The following NFYA variants were observed in gnomAD, a reference collection of about 807,000 sequenced individuals.
The protein encoded by NFYA is nuclear transcription factor Y subunit alpha, also known as CAAT-box DNA binding protein subunit A.
Under a neutral mutation model 52.8 loss-of-function variants are expected in NFYA, and 28 were observed. The observed-to-expected ratio is 0.53, with a 90% CI of 0.39 to 0.73. The LOEUF (loss-of-function observed/expected upper bound fraction) is 0.73. NFYA is among the 30% of genes least tolerant of loss of function. NFYA has a pLI of 0.00. For missense variants in NFYA, 234 were observed against 427.0 expected, an observed-to-expected ratio of 0.55 and a Z score of 3.98; for synonymous variants, 150 against 150.7, an observed-to-expected ratio of 1.00 and a Z score of 0.03.
At chr6:41,073,392 C>G (rs1582014717) in intron 1 of NFYA, among the ~76,000 whole-genome samples, 1 of 151,942 alleles carries the variant, frequency 6.6e-6, no homozygotes, top group African/African-American at 2.4e-5. Flanking sequence ...CGACTCAGGC[C>G]CAGGTTCTCA....
chr6:41,093,284 A>G (rs1764243894), intron 8 of NFYA, among the ~76,000 whole-genome samples, 199 bp downstream of exon 8: 1 of 152,224 alleles, frequency 6.6e-6, no homozygotes, highest in South Asian at 2.1e-4. Flanking sequence ...ACAGTGGCTT[A>G]AATAAGATGT....
rs888093045 is a variant in NFYA, at chr6:41,097,257, TAA to T, written c.991-98_991-97del. 45 of 1,077,680 alleles carry T rather than the reference TAA, an allele frequency of 4.2e-5. No homozygotes were observed. The Admixed American group carries it at 8.2e-4, about 20-fold the overall frequency. 66.8% of individuals were successfully genotyped at this position (1,077,680 alleles called of 1,614,324 possible). ...TATTACAAGCCTTTGATTTACTTGG[TAA>T]AGTTATGTGTATTCTCTTGGGGGGA... On this transcript the variant is annotated intron_variant, in intron 9 of 9. Transcript: ENST00000341376.
chr6:41,095,605 A>ATT (rs1315872120), intron 9 of NFYA, among the ~76,000 whole-genome samples: 1 of 152,038 alleles, frequency 6.6e-6, no homozygotes, highest in East Asian at 1.9e-4. Context: ...TAATTTTTAA[A>ATT]TTTTTTGTAG....
In NFYA at chr6:41,100,379, T is replaced by C. The variant is rs1561859155; in HGVS notation, c.*2969T>C. 6.6e-6 allele frequency among the ~76,000 whole-genome samples: 1 copy of C among 152,222 alleles called. No individual in the cohort carries two copies. The highest frequency in any genetic ancestry group is 1.5e-5 in the Non-Finnish European group (1 of 68,046). ...CAGAAGACCAAAACAAAAGTACTTTTCTGATTGTTAAAAATCCACAGCATG... is the reference window on the plus strand; with the variant it reads ...CAGAAGACCAAAACAAAAGTACTTTCCTGATTGTTAAAAATCCACAGCATG... On this transcript the variant is annotated 3_prime_UTR_variant, in exon 10 of 10. Coordinates refer to ENST00000341376, the MANE Select transcript of NFYA (RefSeq NM_002505.5).
chr6:41,090,256 G>C lies in NFYA; in HGVS notation c.494G>C (p.Gly165Ala). 6.2e-7 allele frequency: 1 copy of C among 1,613,992 alleles called. No individual in the cohort carries two copies. The highest frequency in any genetic ancestry group is 8.5e-7 in the Non-Finnish European group (1 of 1,179,940). The part of the protein sequence containing the change: ...QGQQVAQTAE[G>A]QTIVYQPVNA... ...CAGCAAGTGGCACAGACTGCTGAAG[G>C]GCAGACCATCGTCTATCAACCAGTT... Residue 165 changes from glycine to alanine, a missense_variant, in exon 6 of 10, where the codon GGG (glycine) becomes GCG (alanine). This residue lies in a region of NFYA where 81 missense variants were observed against 210.5 expected (regional missense o/e 0.38). Coordinates refer to ENST00000341376, the MANE Select transcript of NFYA (RefSeq NM_002505.5).
At chr6:41,091,484 T>G in intron 6 of NFYA, 44 bp from the exon 7 acceptor site, 11 of 1,594,216 alleles carry the variant, frequency 6.9e-6, no homozygotes, top group Non-Finnish European at 9.4e-6. Flanking sequence ...CTTTCTGTTC[T>G]GTGTGCCTGT....
At chr6:41,090,162 C>T (rs1764162249) in intron 5 of NFYA, 42 bp from the exon 6 acceptor site, 2 of 1,304,632 alleles carry the variant, frequency 1.5e-6, no homozygotes, top group South Asian at 1.2e-5. Context: ...TTGTTAGTAT[C>T]TTTGGGATCT....
intron 1 of NFYA, among the ~76,000 whole-genome samples, chr6:41,073,531 C>T (rs1027406753): frequency 6.6e-5 from 10 of 152,076 alleles, no homozygotes; most frequent in Non-Finnish European, 1.0e-4. Flanking sequence ...ACTCTCCGGC[C>T]CTTGGGACAG....
At chr6:41,075,011 T>C (rs1763695094) in intron 1 of NFYA, among the ~76,000 whole-genome samples, 1 of 152,238 alleles carries the variant, frequency 6.6e-6, no homozygotes, top group South Asian at 2.1e-4. Flanking sequence ...CGTATTCCAG[T>C]GCTCTTTCAT....
intron 2 of NFYA, among the ~76,000 whole-genome samples, chr6:41,079,554 A>G (rs2114089389): frequency 6.6e-6 from 1 of 152,218 alleles, no homozygotes; most frequent in Non-Finnish European, 1.5e-5. Context: ...CTGTTTTTTG[A>G]TTTGGTCTGC....
intron 9 of NFYA, among the ~76,000 whole-genome samples, chr6:41,095,393 A>C (rs965495544): frequency 2.0e-5 from 3 of 151,976 alleles, no homozygotes; most frequent in African/African-American, 7.2e-5. Context: ...CTATCTCCCT[A>C]TCTGTTAGGT....
At chr6:41,090,109 G>C in intron 5 of NFYA, 95 bp from the exon 6 acceptor site, 1 of 822,388 alleles carries the variant, frequency 1.2e-6, no homozygotes, top group East Asian at 2.7e-5. Context: ...GTGAGACTCT[G>C]TCTCAAAAAA....
In NFYA at chr6:41,094,498, G is replaced by A; in HGVS notation, c.990+1G>A. On this transcript the variant is annotated splice_donor_variant, in intron 9 of 9. Transcript: ENST00000341376. LOFTEE classifies it high-confidence loss of function. ...GGAAAAGGATAGTCCCCATATGCAG[G>A]TAGGAAGACATATACATTTTATTCT... 6.2e-7 allele frequency: 1 copy of A among 1,610,430 alleles called. No homozygotes were observed. Among genetic ancestry groups the A allele is most frequent in the African/African-American group, 1.3e-5 (1 of 74,954 alleles).
intron 4 of NFYA, among the ~76,000 whole-genome samples, chr6:41,088,016 CAGT>C (rs1272530715): frequency 6.6e-6 from 1 of 152,156 alleles, no homozygotes; most frequent in African/African-American, 2.4e-5. Flanking sequence ...ACATTAATGA[CAGT>C]AGTGAGTATT....
At chr6:41,091,799 CT>C in intron 7 of NFYA, 105 bp downstream of exon 7, 1 of 1,244,678 alleles carries the variant, frequency 8.0e-7, no homozygotes, top group Non-Finnish European at 1.1e-6. Context: ...GAGATCGATC[CT>C]TAAGGCACTG....
intron 5 of NFYA, 68 bp from the exon 6 acceptor site, chr6:41,090,136 A>T: frequency 1.9e-6 from 2 of 1,052,982 alleles, no homozygotes; most frequent in Non-Finnish European, 2.9e-6. Context: ...TTTTTTTTTA[A>T]GGACTACATC....
chr6:41,099,528 T>C lies in NFYA; in HGVS notation c.*2118T>C, dbSNP rs1764444540. 1 of 152,240 alleles carries C rather than the reference T, an allele frequency of 6.6e-6. No individual in the cohort carries two copies. The highest frequency in any genetic ancestry group is 2.1e-4 in the South Asian group (1 of 4,834). The allele number at this position is 152,240 out of a possible 1,614,324, so 9.4% of individuals were successfully genotyped here. A position where few individuals can be genotyped will look rare whatever the true frequency, so the allele number is the denominator to read the frequency against. Reference sequence around the variant, plus strand: ...TTTCAAATAGCTCATGACCCTTTTCTTGTGGTCACTTTGGCACACCATAGT... The same window carrying C: ...TTTCAAATAGCTCATGACCCTTTTCCTGTGGTCACTTTGGCACACCATAGT... On this transcript the variant is annotated 3_prime_UTR_variant, in exon 10 of 10. Coordinates refer to ENST00000341376, the MANE Select transcript of NFYA (RefSeq NM_002505.5).
rs1487274439 is a variant in NFYA at position 41,101,157 on chromosome 6, C to T, written c.*3747C>T. On this transcript the variant is annotated 3_prime_UTR_variant, in exon 10 of 10. Coordinates refer to ENST00000341376, the MANE Select transcript of NFYA (RefSeq NM_002505.5). ...CGAGCTCGCCACGGCCCAGGGCGTC[C>T]TCCTAGGCGTCCATGTGACGGGTGA... is the stretch of plus-strand genomic sequence containing the variant. The T allele has an allele frequency of 6.6e-6, 1 of 152,254 alleles. No homozygotes were observed. Among genetic ancestry groups the T allele is most frequent in the Non-Finnish European group, 1.5e-5 (1 of 68,062 alleles). The allele number at this position is 152,254 out of a possible 1,614,324, so 9.4% of individuals were successfully genotyped here.
chr6:41,099,949 A>T lies in NFYA; in HGVS notation c.*2539A>T, dbSNP rs922434820. ...AATGTCATTGCAATTGTTATTTTTT[A>T]AAATAAATTTATAAAAATAACCGAA... On this transcript the variant is annotated 3_prime_UTR_variant, in exon 10 of 10. Coordinates refer to ENST00000341376, the MANE Select transcript of NFYA (RefSeq NM_002505.5). The T allele has an allele frequency of 1.6e-4, 24 of 152,154 alleles. No individual in the cohort carries two copies. Among genetic ancestry groups the T allele is most frequent in the African/African-American group, 5.3e-4 (22 of 41,414 alleles). The allele number at this position is 152,154 out of a possible 1,614,324, so 9.4% of individuals were successfully genotyped here.
Sources: allele counts gnomAD v4.1 joint callset (sites outside exome capture counted in the v4.1 genomes callset), GRCh38; gene constraint gnomAD v4.1.1; regional missense constraint gnomAD v4.1.1; transcripts MANE v1.5; gene names NCBI Gene and HGNC (gene_info 2026-07-23, HGNC 2026-07-21).